The following UBE2H variants were observed in gnomAD, a reference collection of about 807,000 sequenced individuals.
The protein encoded by UBE2H is ubiquitin conjugating enzyme E2 H, also known as ubiquitin-conjugating enzyme E2 H.
In UBE2H, 3 loss-of-function variants were observed where a neutral mutation model predicts 29.0. The observed-to-expected ratio is 0.10, with a 90% CI of 0.05 to 0.27. The LOEUF is 0.27. UBE2H is among the 10% of genes least tolerant of loss of function. The pLI is 1.00. For missense variants in UBE2H, 68 were observed against 228.2 expected, an observed-to-expected ratio of 0.30 and a Z score of 4.52; for synonymous variants, 69 against 82.9, an observed-to-expected ratio of 0.83 and a Z score of 0.91.
intron 1 of UBE2H, among the ~76,000 whole-genome samples, chr7:129,934,630 T>A (rs1405861411): frequency 4.6e-5 from 5 of 107,650 alleles, no homozygotes; most frequent in Admixed American, 2.4e-4. Context: ...AGAGCAAGAC[T>A]CCGTCTTTAA....
intron 3 of UBE2H, chr7:129,865,079 C>A (rs746403264): frequency 2.3e-6 from 1 of 443,344 alleles, no homozygotes; most frequent in South Asian, 1.6e-5. Flanking sequence ...GAGAAGGAAT[C>A]CAAATCACAC....
intron 1 of UBE2H, among the ~76,000 whole-genome samples, chr7:129,891,085 G>A (rs1273119609): frequency 2.0e-5 from 3 of 151,606 alleles, no homozygotes; most frequent in Admixed American, 6.5e-5. Context: ...GCGGTGAGCC[G>A]AGATTGTGCC....
At chr7:129,889,138 G>C (rs1048352463) in intron 1 of UBE2H, among the ~76,000 whole-genome samples, 1 of 152,358 alleles carries the variant, frequency 6.6e-6, no homozygotes, top group Admixed American at 6.5e-5. Flanking sequence ...GGGCTCCGAA[G>C]TGTGGATTTT....
chr7:129,838,810 T>G (rs1805375595), intron 6 of UBE2H, among the ~76,000 whole-genome samples: 1 of 152,166 alleles, frequency 6.6e-6, no homozygotes, highest in African/African-American at 2.4e-5. Flanking sequence ...GGCTAATTTT[T>G]GTATTTTTAG....
chr7:129,890,240 T>C (rs1023977248), intron 1 of UBE2H, among the ~76,000 whole-genome samples: 9 of 145,264 alleles, frequency 6.2e-5, no homozygotes, highest in South Asian at 2.1e-4. Context: ...CATATATATA[T>C]ACACACGTAT....
intron 1 of UBE2H, among the ~76,000 whole-genome samples, chr7:129,918,097 T>A (rs543632736): frequency 6.6e-6 from 1 of 152,236 alleles, no homozygotes; most frequent in Non-Finnish European, 1.5e-5. Flanking sequence ...CAAACTTTCA[T>A]GTCTTAAAGC....
At chr7:129,905,480 T>G (rs933680219) in intron 1 of UBE2H, among the ~76,000 whole-genome samples, 1 of 152,160 alleles carries the variant, frequency 6.6e-6, no homozygotes, top group Non-Finnish European at 1.5e-5. Flanking sequence ...GGTTTTCCAG[T>G]TGTACCTTTC....
chr7:129,873,221 G>C (rs1806078654), intron 3 of UBE2H, among the ~76,000 whole-genome samples: 1 of 151,392 alleles, frequency 6.6e-6, no homozygotes, highest in African/African-American at 2.4e-5. Context: ...GCATTTCACT[G>C]TGTTAGCCAG....
At chr7:129,935,303 C>T (rs896039626) in intron 1 of UBE2H, among the ~76,000 whole-genome samples, 7 of 151,166 alleles carry the variant, frequency 4.6e-5, no homozygotes, top group African/African-American at 7.3e-5. Flanking sequence ...ATCCCAGCTA[C>T]TCAGGAGGCT....
chr7:129,944,113 T>C (rs1458458998), intron 1 of UBE2H, among the ~76,000 whole-genome samples: 1 of 115,722 alleles, frequency 8.6e-6, no homozygotes, highest in Non-Finnish European at 2.1e-5. Flanking sequence ...TCCCAGCACT[T>C]TGGGAGGCCA....
At chr7:129,841,143 G>T (rs1805422618) in intron 5 of UBE2H, among the ~76,000 whole-genome samples, 2 of 152,180 alleles carry the variant, frequency 1.3e-5, no homozygotes, top group East Asian at 1.9e-4. Context: ...TTTGTAAAGG[G>T]TCAAATACTT....
At chr7:129,944,021 T>C (rs534657357) in intron 1 of UBE2H, among the ~76,000 whole-genome samples, 1 of 152,258 alleles carries the variant, frequency 6.6e-6, no homozygotes, top group East Asian at 1.9e-4. Context: ...AAAAAATAAA[T>C]CAGTGCTTTA....
intron 5 of UBE2H, chr7:129,839,604 T>C: frequency 8.8e-6 from 3 of 341,928 alleles, no homozygotes; most frequent in South Asian, 5.6e-5. Flanking sequence ...TCTATTTATA[T>C]GGCTATTTCA....
At position 129,898,826 on chromosome 7, in the gene UBE2H, T is replaced by TTC. The variant is rs397823902; in HGVS notation, c.54-17856_54-17855insGA. 3.3e-5 allele frequency among the ~76,000 whole-genome samples: 5 copies of TTC among 151,442 alleles called. No individual in the cohort carries two copies. The East Asian group carries it at 7.8e-4, about 24-fold the overall frequency. ...TGAGTTGCAGGCCTTTTTTTTTTTT[T>TTC]CTTGTCTTTTAAAAACATGACTGGG... On this transcript the variant is annotated intron_variant, in intron 1 of 6. Coordinates refer to ENST00000355621, the MANE Select transcript of UBE2H (RefSeq NM_003344.4).
chr7:129,899,156 G>C (rs1477871637), intron 1 of UBE2H, among the ~76,000 whole-genome samples: 4 of 151,942 alleles, frequency 2.6e-5, no homozygotes, highest in African/African-American at 9.7e-5. Flanking sequence ...TGTTTGTTTT[G>C]TTTTGTTTTG....
chr7:129,869,192 C>T (rs1227250555), intron 3 of UBE2H, among the ~76,000 whole-genome samples: 1 of 152,020 alleles, frequency 6.6e-6, no homozygotes, highest in Non-Finnish European at 1.5e-5. Flanking sequence ...CCTGCCTCGG[C>T]CTCCCAAAGT....
intron 1 of UBE2H, 86 bp downstream of exon 1, chr7:129,952,417 G>A (rs1333469157): frequency 1.2e-5 from 18 of 1,541,900 alleles, no homozygotes; most frequent in East Asian, 2.4e-5. Context: ...GAGTGCCCCA[G>A]GGCCCTTGCA....
chr7:129,886,758 G>GTATTTTGGTT, intron 1 of UBE2H, among the ~76,000 whole-genome samples: 1 of 40,300 alleles, frequency 2.5e-5, no homozygotes, highest in East Asian at 1.3e-3. Context: ...CTGGTTTTTT[G>GTATTTTGGTT]TTTTTTGGTA....
intron 1 of UBE2H, among the ~76,000 whole-genome samples, chr7:129,905,812 G>T (rs948117178): frequency 6.6e-6 from 1 of 152,124 alleles, no homozygotes; most frequent in African/African-American, 2.4e-5. Context: ...TTACAGAGAG[G>T]CCAGGCACAG....
Sources: allele counts gnomAD v4.1 joint callset (sites outside exome capture counted in the v4.1 genomes callset), GRCh38; gene constraint gnomAD v4.1.1; transcripts MANE v1.5; gene names NCBI Gene and HGNC (gene_info 2026-07-23, HGNC 2026-07-21).